Variants in RBFOX2 observed in about 807,000 individuals in gnomAD.
RBFOX2 encodes the protein RNA binding protein fox-1 homolog 2.
RBFOX2 carries 10 observed loss-of-function variants against 49.1 expected under a neutral mutation model. The observed-to-expected ratio is 0.20, with a 90% CI of 0.13 to 0.35. The LOEUF (loss-of-function observed/expected upper bound fraction) is 0.35, where lower values mean the gene tolerates loss of function less well. RBFOX2 is among the 10% of genes least tolerant of loss of function. RBFOX2 has a pLI of 1.00. For synonymous variants in RBFOX2, 183 were observed against 187.4 expected (o/e 0.98, Z 0.19); for missense variants, 323 against 486.9 (o/e 0.66, Z 3.17).
Position 35,768,413 on chromosome 22 carries a change from G to C in RBFOX2, c.454-64C>G, listed in dbSNP as rs141910166. The C allele has an allele frequency of 1.2e-3, 1,619 of 1,363,424 alleles. 28 individuals are homozygous for C. In the East Asian group the frequency reaches 0.032, roughly 27 times the overall value. 84.5% of individuals were successfully genotyped at this position (1,363,424 alleles called of 1,614,324 possible). ...GTTATATTGAAATACTGATCTCTTG[G>C]TAAATAGAGAAAAAATATCATAGTA... is the stretch of plus-strand genomic sequence containing the variant. On this transcript the variant is annotated intron_variant, in intron 4 of 11. Transcript: ENST00000405409.
chr22:35,765,458 A>G, exon 6 of RBFOX2: 1 of 1,523,400 alleles, frequency 6.6e-7, no homozygotes. Context: ...CTTATTGGTC[A>G]TTACACGTGC....
chr22:35,744,349 C>T (rs1364537761), intron 11 of RBFOX2, 100 bp from the exon 14 acceptor site: 5 of 1,128,204 alleles, frequency 4.4e-6, no homozygotes, highest in South Asian at 3.5e-5. Flanking sequence ...CAGCCTGCTT[C>T]GAAGCCTCAA....
chr22:35,879,724 T>C (rs2045623880), intron 1 of RBFOX2, among the ~76,000 whole-genome samples: 1 of 152,252 alleles, frequency 6.6e-6, no homozygotes, highest in Admixed American at 6.5e-5. Context: ...ATCAGATTTA[T>C]ATTTTCAAAG....
At chr22:35,761,387 C>T in intron 7 of RBFOX2, 28 bp downstream of exon 8, 2 of 1,612,374 alleles carry the variant, frequency 1.2e-6, no homozygotes, top group South Asian at 1.1e-5. Flanking sequence ...TTAAATAGCA[C>T]AAGTGGAAAC....
chr22:36,024,128 C>A (rs937799376), intron 1 of RBFOX2, among the ~76,000 whole-genome samples: 1 of 152,172 alleles, frequency 6.6e-6, no homozygotes, highest in Non-Finnish European at 1.5e-5. Flanking sequence ...TGTGATGATA[C>A]CCTCACTCTG....
At chr22:36,006,620 G>C (rs1291468600) in intron 1 of RBFOX2, among the ~76,000 whole-genome samples, 1 of 152,204 alleles carries the variant, frequency 6.6e-6, no homozygotes, top group Non-Finnish European at 1.5e-5. Flanking sequence ...GAACAGCAGT[G>C]TGCGGATGAA....
intron 1 of RBFOX2, among the ~76,000 whole-genome samples, chr22:35,911,183 A>G (rs774780297): frequency 6.6e-6 from 1 of 152,142 alleles, no homozygotes; most frequent in Non-Finnish European, 1.5e-5. Context: ...TCCCACATTT[A>G]TCTTTATCTC....
chr22:35,784,982 A>C (rs1277131613), intron 2 of RBFOX2, among the ~76,000 whole-genome samples: 4 of 152,060 alleles, frequency 2.6e-5, no homozygotes, highest in African/African-American at 9.7e-5. Flanking sequence ...ACATGCATTT[A>C]TTTATTTTTA....
intron 1 of RBFOX2, chr22:35,836,377 C>T (rs1237447052): frequency 6.6e-6 from 1 of 152,224 alleles, no homozygotes; most frequent in Non-Finnish European, 1.5e-5. Flanking sequence ...TCTCTTCTCC[C>T]AACCACCCAG....
chr22:35,790,987 G>A (rs1009326263), intron 2 of RBFOX2, among the ~76,000 whole-genome samples: 4 of 150,250 alleles, frequency 2.7e-5, no homozygotes, highest in East Asian at 2.0e-4. Flanking sequence ...CTGCCTGGGC[G>A]ACAAGGCAAG....
intron 1 of RBFOX2, among the ~76,000 whole-genome samples, chr22:35,952,933 TG>T (rs2055107069): frequency 6.6e-6 from 1 of 151,868 alleles, no homozygotes; most frequent in Non-Finnish European, 1.5e-5. Flanking sequence ...AAGGATGGGC[TG>T]GGTGCAGTGG....
At chr22:35,929,053 A>G (rs1400946850) in intron 1 of RBFOX2, among the ~76,000 whole-genome samples, 1 of 152,122 alleles carries the variant, frequency 6.6e-6, no homozygotes, top group Non-Finnish European at 1.5e-5. Context: ...CAGGAGTTCA[A>G]AGCTAAATTG....
rs183639109 is a variant in RBFOX2, at chr22:36,003,732, C to T, written c.186+24508G>A. ...GTGACATCTAATTAATTTGATACTCCTAATGACTATCTAGCATGGTGCCTT... is the reference window on the plus strand; with the variant it reads ...GTGACATCTAATTAATTTGATACTCTTAATGACTATCTAGCATGGTGCCTT... On this transcript the variant is annotated intron_variant, in intron 1 of 13. Transcript: ENST00000438146. Among the ~76,000 whole-genome samples the T allele has an allele frequency of 3.9e-5, 6 of 152,294 alleles. No homozygotes were observed. In the East Asian group the frequency reaches 1.2e-3, roughly 29 times the overall value.
At chr22:35,881,221 C>T (rs2045846851) in intron 1 of RBFOX2, among the ~76,000 whole-genome samples, 2 of 151,420 alleles carry the variant, frequency 1.3e-5, no homozygotes, top group Admixed American at 6.6e-5. Context: ...CCGACGATCG[C>T]GCCACTGCAC....
At chr22:35,777,382 C>T (rs918693557) in intron 4 of RBFOX2, among the ~76,000 whole-genome samples, 6 of 152,100 alleles carry the variant, frequency 3.9e-5, no homozygotes, top group East Asian at 1.9e-4. Flanking sequence ...AAAATACACA[C>T]GTAAAAGTAC....
chr22:35,876,052 T>G lies in RBFOX2; in HGVS notation c.-34+62795A>C, dbSNP rs138385381. Among the ~76,000 whole-genome samples the G allele has an allele frequency of 5.3e-5, 8 of 152,020 alleles. No homozygotes were observed. The South Asian group carries it at 6.2e-4, about 12-fold the overall frequency. ...AATGCAAATCACCGATAAACAAAGGTAGAAATCTGATACTTTTAATTGTGT... is the reference window on the plus strand; with the variant it reads ...AATGCAAATCACCGATAAACAAAGGGAGAAATCTGATACTTTTAATTGTGT... On this transcript the variant is annotated intron_variant, in intron 1 of 13. Transcript: ENST00000359369.
chr22:35,976,169 CGTT>C (rs1472707502), intron 1 of RBFOX2, among the ~76,000 whole-genome samples: 1 of 152,214 alleles, frequency 6.6e-6, no homozygotes, highest in African/African-American at 2.4e-5. Flanking sequence ...TGGTTACTAA[CGTT>C]GTTTTCAGCT....
At chr22:36,026,501 CACTATTAACT>C (rs1418491871) in intron 1 of RBFOX2, among the ~76,000 whole-genome samples, 1 of 151,506 alleles carries the variant, frequency 6.6e-6, no homozygotes, top group Non-Finnish European at 1.5e-5. Context: ...ACGGGGGTCT[CACTATTAACT>C]AGGATTGACA....
At chr22:35,997,889 C>G (rs2058255394) in intron 1 of RBFOX2, 1 of 152,208 alleles carries the variant, frequency 6.6e-6, no homozygotes, top group African/African-American at 2.4e-5. Flanking sequence ...GTAGTCCCAG[C>G]CACTTAGGAG....
Sources: allele counts gnomAD v4.1 joint callset (sites outside exome capture counted in the v4.1 genomes callset), GRCh38; gene constraint gnomAD v4.1.1; transcripts MANE v1.5; gene names NCBI Gene and HGNC (gene_info 2026-07-23, HGNC 2026-07-21).